SCP2: variants seen among roughly 807,000 people sequenced by gnomAD.
SCP2 encodes the protein SCP-2/3-oxoacyl-CoA thiolase.
SCP2 carries 48 observed loss-of-function variants against 71.4 expected under a neutral mutation model. The observed-to-expected ratio is 0.67, with a 90% CI of 0.53 to 0.86. The LOEUF is 0.86. SCP2 is among the 40% of genes least tolerant of loss of function. SCP2 has a pLI of 0.00. For missense variants in SCP2, 560 were observed against 655.6 expected (o/e 0.85, Z 1.59); for synonymous variants, 220 against 218.1 (o/e 1.01, Z -0.08).
In SCP2 at chr1:52,927,374, C is replaced by T; in HGVS notation, c.-23C>T. 6.4e-7 allele frequency: 1 copy of T among 1,568,114 alleles called. No homozygotes were observed. The highest frequency in any genetic ancestry group is 2.3e-5 in the East Asian group (1 of 42,958). On this transcript the variant is annotated 5_prime_UTR_variant, in exon 1 of 16. Coordinates refer to ENST00000371514, the MANE Select transcript of SCP2 (RefSeq NM_002979.5). ...GCCGGCAGTCGTCCGCGGCGCCCGC[C>T]CCGGTCCCGCACTGGTGCAGCCATG...
At chr1:52,972,287 G>A (rs1657568324) in intron 6 of SCP2, among the ~76,000 whole-genome samples, 1 of 152,186 alleles carries the variant, frequency 6.6e-6, no homozygotes, top group Non-Finnish European at 1.5e-5. Flanking sequence ...CCTTTGAATA[G>A]TCAAAAATCT....
chr1:53,043,370 G>A (rs1038959525), intron 14 of SCP2, among the ~76,000 whole-genome samples: 2 of 152,198 alleles, frequency 1.3e-5, no homozygotes, highest in Non-Finnish European at 2.9e-5. Context: ...ACATAGGTTT[G>A]TCTCAGCCCC....
rs188750129 is a variant in SCP2, at chr1:52,974,975, G to A, written c.587+143G>A. ...TTTTTTTCTTACAAAAGGCTTATAC[G>A]CAAGTAAACTTTTGACAACTTTTCA... On this transcript the variant is annotated intron_variant, in intron 7 of 15. Transcript: ENST00000371514. 2,108 of 635,466 alleles carry A rather than the reference G, an allele frequency of 3.3e-3. 9 individuals carry two copies. Among genetic ancestry groups the A allele is most frequent in the Middle Eastern group, 9.9e-3 (23 of 2,324 alleles). The allele number at this position is 635,466 out of a possible 1,614,324, so 39.4% of individuals were successfully genotyped here. A position where few individuals can be genotyped will look rare whatever the true frequency, so the allele number is the denominator to read the frequency against.
chr1:53,000,009 G>T (rs189433223), intron 11 of SCP2, among the ~76,000 whole-genome samples: 1 of 151,746 alleles, frequency 6.6e-6, no homozygotes, highest in African/African-American at 2.4e-5. Flanking sequence ...TAGAGCTGGG[G>T]TTTCACTATG....
chr1:52,985,077 A>G (rs1481211779), intron 10 of SCP2, among the ~76,000 whole-genome samples: 1 of 152,044 alleles, frequency 6.6e-6, no homozygotes, highest in African/African-American at 2.4e-5. Flanking sequence ...TCCTGACCTC[A>G]GGTGATCCAC....
chr1:52,986,426 C>G (rs2150183563), intron 10 of SCP2, among the ~76,000 whole-genome samples: 1 of 152,206 alleles, frequency 6.6e-6, no homozygotes, highest in East Asian at 1.9e-4. Flanking sequence ...AAGGTAGAAA[C>G]ATACCAAAAA....
chr1:52,956,131 C>T (rs1055594093), intron 5 of SCP2, among the ~76,000 whole-genome samples: 2 of 152,062 alleles, frequency 1.3e-5, no homozygotes, highest in African/African-American at 4.8e-5. Flanking sequence ...TGGCAAAACC[C>T]GTCTCTACTA....
chr1:52,995,897 A>T, intron 11 of SCP2: 1 of 1,488,032 alleles, frequency 6.7e-7, no homozygotes, highest in East Asian at 2.3e-5. Flanking sequence ...AGCTGAGGGC[A>T]TGGATGAGAC....
At chr1:53,040,826 C>T (rs1195455240) in intron 14 of SCP2, among the ~76,000 whole-genome samples, 7 of 152,168 alleles carry the variant, frequency 4.6e-5, no homozygotes, top group Admixed American at 4.6e-4. Flanking sequence ...TAATATTTTA[C>T]TTATTTTCTT....
chr1:52,953,966 A>G (rs1655558177), intron 4 of SCP2, among the ~76,000 whole-genome samples: 1 of 147,092 alleles, frequency 6.8e-6, no homozygotes, highest in African/African-American at 2.6e-5. Flanking sequence ...TGGGTGACAG[A>G]GTGAGACACT....
At chr1:52,963,673 A>T (rs1178048054) in intron 6 of SCP2, 1 of 152,118 alleles carries the variant, frequency 6.6e-6, no homozygotes, top group Non-Finnish European at 1.5e-5. Context: ...TGCGTGCCTC[A>T]CACATCTTAG....
chr1:52,927,422 C>T lies in SCP2; in HGVS notation c.26C>T (p.Ala9Val). Residue 9 changes from alanine (A) to valine (V), a missense_variant, in exon 1 of 16, where the codon GCG (alanine) becomes GTG (valine). Around this residue, in one of 3 missense-constraint regions of SCP2, gnomAD observed 513 missense variants for 573.1 expected, o/e 0.90. Transcript: ENST00000371514. Reference protein sequence around the residue: MSSSPWEPATLRRVFVVGV... With the variant: MSSSPWEPVTLRRVFVVGV... ...ATGTCCTCTTCCCCGTGGGAGCCTGCGACCCTGCGCCGGGTGTTCGTGGTG... is the reference window on the plus strand; with the variant it reads ...ATGTCCTCTTCCCCGTGGGAGCCTGTGACCCTGCGCCGGGTGTTCGTGGTG... The T allele has an allele frequency of 6.2e-7, 1 of 1,600,560 alleles. No individual in the cohort carries two copies. Among genetic ancestry groups the T allele is most frequent in the Non-Finnish European group, 8.5e-7 (1 of 1,174,538 alleles).
intron 1 of SCP2, among the ~76,000 whole-genome samples, chr1:52,931,709 C>T (rs552326465): frequency 5.3e-5 from 8 of 152,200 alleles, no homozygotes; most frequent in Non-Finnish European, 1.2e-4. Context: ...GAGCTTCCTT[C>T]AGGCTTTTAA....
rs764696541 is a variant in SCP2 at position 52,927,376 on chromosome 1, C to G, written c.-21C>G. 53 of 1,569,292 alleles carry G rather than the reference C, an allele frequency of 3.4e-5. No homozygotes were observed. Among genetic ancestry groups the G allele is most frequent in the Non-Finnish European group, 4.1e-5 (48 of 1,157,722 alleles). On this transcript the variant is annotated 5_prime_UTR_variant, in exon 1 of 16. Transcript: ENST00000371514. Reference sequence around the variant, plus strand: ...CGGCAGTCGTCCGCGGCGCCCGCCCCGGTCCCGCACTGGTGCAGCCATGTC... The same window carrying G: ...CGGCAGTCGTCCGCGGCGCCCGCCCGGGTCCCGCACTGGTGCAGCCATGTC...
At chr1:53,037,906 A>ACACACACCCCCC (rs1553155272) in intron 13 of SCP2, among the ~76,000 whole-genome samples, 3 of 127,534 alleles carry the variant, frequency 2.4e-5, no homozygotes, top group African/African-American at 9.9e-5. Context: ...ACACACACAC[A>ACACACACCCCCC]CACACACACA....
chr1:52,952,304 A>T (rs1032045616), intron 4 of SCP2, among the ~76,000 whole-genome samples: 41 of 152,140 alleles, frequency 2.7e-4, no homozygotes, highest in Non-Finnish European at 5.7e-4. Context: ...TCAGTACTTA[A>T]TTCCTTTTCA....
chr1:52,959,718 C>G (rs562510938), intron 5 of SCP2, among the ~76,000 whole-genome samples: 2 of 152,058 alleles, frequency 1.3e-5, no homozygotes, highest in East Asian at 3.9e-4. Flanking sequence ...AAAAGTCATT[C>G]ATGTTATTCC....
At chr1:53,017,923 C>G (rs539343958) in intron 12 of SCP2, among the ~76,000 whole-genome samples, 2 of 152,288 alleles carry the variant, frequency 1.3e-5, no homozygotes, top group South Asian at 2.1e-4. Context: ...GGCACAATCT[C>G]GGCTCACTGC....
intron 6 of SCP2, among the ~76,000 whole-genome samples, chr1:52,974,157 G>GC (rs1345535173): frequency 6.6e-6 from 1 of 151,868 alleles, no homozygotes; most frequent in Non-Finnish European, 1.5e-5. Context: ...AGAATTCAAA[G>GC]CATATTTTAT....
Sources: allele counts gnomAD v4.1 joint callset (sites outside exome capture counted in the v4.1 genomes callset), GRCh38; gene constraint gnomAD v4.1.1; regional missense constraint gnomAD v4.1.1; transcripts MANE v1.5; gene names NCBI Gene and HGNC (gene_info 2026-07-23, HGNC 2026-07-21).